The following CSMD2 variants were observed in gnomAD, a reference collection of about 807,000 sequenced individuals.
CSMD2 encodes CUB and sushi domain-containing protein 2.
Under a neutral mutation model 398.5 loss-of-function variants are expected in CSMD2, and 130 were observed. That is an observed-to-expected ratio of 0.33 (90% CI 0.28 to 0.38). The LOEUF (loss-of-function observed/expected upper bound fraction) is 0.38, where lower values mean the gene tolerates loss of function less well. Ranked by LOEUF, CSMD2 falls within the 10% of genes least tolerant of loss-of-function variation. CSMD2 has a pLI of 1.00. For synonymous variants in CSMD2, 1,828 were observed against 1,908.5 expected (o/e 0.96, Z 1.10); for missense variants, 3,829 against 4,764.9 (o/e 0.80, Z 5.78).
chr1:33,916,914 T>C (rs1643750975), intron 5 of CSMD2, among the ~76,000 whole-genome samples: 1 of 152,086 alleles, frequency 6.6e-6, no homozygotes, highest in Non-Finnish European at 1.5e-5. Flanking sequence ...AGGTGTGCAA[T>C]AAACGTGCCC....
chr1:33,605,927 T>C, intron 41 of CSMD2: 1 of 1,613,956 alleles, frequency 6.2e-7, no homozygotes, highest in Middle Eastern at 1.7e-4. Flanking sequence ...AGTTGGTTCT[T>C]TCCAACTCCG....
chr1:33,922,597 A>G (rs1439478095), intron 4 of CSMD2, among the ~76,000 whole-genome samples: 1 of 152,110 alleles, frequency 6.6e-6, no homozygotes, highest in Admixed American at 6.6e-5. Flanking sequence ...ACCCAACCCA[A>G]CCAAAATCAC....
At chr1:33,586,356 T>C in intron 46 of CSMD2, 148 bp downstream of exon 46, 1 of 582,756 alleles carries the variant, frequency 1.7e-6, no homozygotes, top group African/African-American at 1.9e-5. Context: ...ATGCACTTAC[T>C]CATCCATCAG....
chr1:33,738,623 C>A (rs1421549818), intron 15 of CSMD2, among the ~76,000 whole-genome samples: 1 of 152,142 alleles, frequency 6.6e-6, no homozygotes, highest in African/African-American at 2.4e-5. Flanking sequence ...TTTCTTCTGG[C>A]TGGTTGGCCC....
chr1:33,794,718 T>G (rs1291653325), intron 10 of CSMD2, among the ~76,000 whole-genome samples: 1 of 151,954 alleles, frequency 6.6e-6, no homozygotes, highest in African/African-American at 2.4e-5. Context: ...TGAGGGAGAG[T>G]TGAAAGCTCG....
intron 48 of CSMD2, among the ~76,000 whole-genome samples, chr1:33,578,383 A>T (rs150571559): frequency 0.013 from 1,950 of 152,100 alleles, 30 homozygotes; most frequent in African/African-American, 0.039. Context: ...TTCAAGACCA[A>T]CCTGGCCAAA....
chr1:33,568,944 T>C (rs916582542), intron 52 of CSMD2, among the ~76,000 whole-genome samples: 1 of 152,232 alleles, frequency 6.6e-6, no homozygotes, highest in Non-Finnish European at 1.5e-5. Context: ...CAGGTTGTTT[T>C]ATGTTTCTGT....
At chr1:33,724,726 T>A in intron 17 of CSMD2, 22 bp from the exon 18 acceptor site, 1 of 1,609,458 alleles carries the variant, frequency 6.2e-7, no homozygotes, top group Non-Finnish European at 8.5e-7. Flanking sequence ...AGGCCACAGC[T>A]GGGACAGACA....
In CSMD2 at chr1:33,514,734, G is replaced by A. The variant is rs1408568799; in HGVS notation, c.*1890C>T. 1 of 152,556 alleles carries A rather than the reference G, an allele frequency of 6.6e-6. No homozygotes were observed. Among genetic ancestry groups the A allele is most frequent in the African/African-American group, 2.4e-5 (1 of 41,404 alleles). The allele number at this position is 152,556 out of a possible 1,614,324, so 9.5% of individuals were successfully genotyped here. A position where few individuals can be genotyped will look rare whatever the true frequency, so the allele number is the denominator to read the frequency against. Reference sequence around the variant, plus strand: ...TCCAGCCAAGGAAAGAGATGAGAGTGTGAGTGTGTCTGGATTGGCCCTCTC... The same window carrying A: ...TCCAGCCAAGGAAAGAGATGAGAGTATGAGTGTGTCTGGATTGGCCCTCTC... On this transcript the variant is annotated 3_prime_UTR_variant, in exon 71 of 71. Coordinates refer to ENST00000373381, the MANE Select transcript of CSMD2 (RefSeq NM_001281956.2).
chr1:33,738,452 T>C (rs1170403681), intron 15 of CSMD2, among the ~76,000 whole-genome samples: 1 of 152,166 alleles, frequency 6.6e-6, no homozygotes, highest in African/African-American at 2.4e-5. Flanking sequence ...GTACACAAAT[T>C]TAACCTGACT....
At chr1:33,821,135 C>T (rs981493258) in intron 7 of CSMD2, among the ~76,000 whole-genome samples, 13 of 152,186 alleles carry the variant, frequency 8.5e-5, no homozygotes, top group African/African-American at 3.1e-4. Context: ...CCAGAGTAAG[C>T]AGTCACCAGA....
At chr1:34,003,461 C>T (rs1646963259) in intron 3 of CSMD2, among the ~76,000 whole-genome samples, 1 of 152,140 alleles carries the variant, frequency 6.6e-6, no homozygotes, top group Non-Finnish European at 1.5e-5. Context: ...CCATCATGCC[C>T]AGACTGCAGG....
At chr1:33,625,017 C>T in intron 34 of CSMD2, 34 bp downstream of exon 34, 1 of 1,606,758 alleles carries the variant, frequency 6.2e-7, no homozygotes, top group Non-Finnish European at 8.5e-7. Context: ...GTGCCGCCCC[C>T]CGCACCCTCA....
intron 21 of CSMD2, among the ~76,000 whole-genome samples, chr1:33,710,334 G>T (rs1010210517): frequency 1.6e-4 from 24 of 152,130 alleles, no homozygotes; most frequent in African/African-American, 5.6e-4. Context: ...GAGGGCTAGG[G>T]TCATGCTGGA....
At position 33,631,558 on chromosome 1, in the gene CSMD2, C is replaced by A. The variant is rs547560149; in HGVS notation, c.5200+1864G>T. On this transcript the variant is annotated intron_variant, in intron 32 of 70. Coordinates refer to ENST00000373381, the MANE Select transcript of CSMD2 (RefSeq NM_001281956.2). The stretch of plus-strand genomic sequence containing the variant: ...CAGTCTTTGAATATACTAGTAAAGA[C>A]CAGCTAGAAAACATAATGGGGGAAA... 2.6e-5 allele frequency among the ~76,000 whole-genome samples: 4 copies of A among 152,058 alleles called. No homozygotes were observed. The South Asian group carries it at 8.3e-4, about 32-fold the overall frequency.
rs563509580 is a variant in CSMD2 at position 33,525,793 on chromosome 1, T to C, written c.10235-750A>G. Among the ~76,000 whole-genome samples, 41 of 152,300 alleles carry C rather than the reference T, an allele frequency of 2.7e-4. 1 individual carries two copies. The South Asian group carries it at 8.1e-3, about 30-fold the overall frequency. On this transcript the variant is annotated intron_variant, in intron 65 of 70. Transcript: ENST00000373381. ...TCTGCCTCCCAGGTTCAAGCAATTC[T>C]CCTGCCTTAGCCTCCCAAGTAGCTG... is the stretch of plus-strand genomic sequence containing the variant.
intron 13 of CSMD2, among the ~76,000 whole-genome samples, chr1:33,747,272 G>A (rs907771519): frequency 5.9e-5 from 9 of 152,194 alleles, no homozygotes; most frequent in East Asian, 1.9e-4. Context: ...AAATGCAAGC[G>A]TAACAAATAT....
At chr1:33,527,363 G>T in intron 64 of CSMD2, 105 bp from the exon 65 acceptor site, 2 of 841,024 alleles carry the variant, frequency 2.4e-6, no homozygotes, top group Non-Finnish European at 3.7e-6. Flanking sequence ...GGTTCTTTGA[G>T]ATCTTGCTTT....
Position 33,709,151 on chromosome 1 carries a change from G to T in CSMD2, c.3514C>A (p.Pro1172Thr). The change falls in exon 22 of 71, where the codon CCA becomes ACA. Residue 1172 changes from proline to threonine, a missense_variant. By Grantham distance (38) the Pro-to-Thr change is conservative. Transcript: ENST00000373381. ...HECIYSIQTQPGKGIQLKARA... is the reference protein window; with the variant it reads ...HECIYSIQTQTGKGIQLKARA... ...GCTTTCAGCTGAATTCCCTTCCCTGGCTGGGTCTGGATGGAGTAGATGCAT... is the reference window on the plus strand; with the variant it reads ...GCTTTCAGCTGAATTCCCTTCCCTGTCTGGGTCTGGATGGAGTAGATGCAT... 1.2e-6 allele frequency: 2 copies of T among 1,614,046 alleles called. No homozygotes were observed. Among genetic ancestry groups the T allele is most frequent in the Non-Finnish European group, 1.7e-6 (2 of 1,179,966 alleles).
Sources: gnomAD v4.1 joint callset for allele counts (sites outside exome capture counted in the v4.1 genomes callset) on GRCh38, gnomAD v4.1.1 for gene constraint, MANE v1.5 for transcripts, NCBI Gene and HGNC (gene_info 2026-07-23, HGNC 2026-07-21) for gene names.